Variants in NHSL2 observed in about 807,000 individuals in gnomAD.
NHSL2 encodes the protein NHS-like protein 2.
NHSL2 carries 27 observed loss-of-function variants against 53.4 expected under a neutral mutation model. The ratio of observed to expected loss-of-function variants is 0.51; its 90% confidence interval spans 0.37 to 0.70. The LOEUF (loss-of-function observed/expected upper bound fraction) is 0.70, where lower values mean the gene tolerates loss of function less well. Ranked by LOEUF, NHSL2 falls within the 30% of genes least tolerant of loss-of-function variation. The probability of loss-of-function intolerance (pLI) is 0.00; values close to 1 mark genes in which losing one functional copy is unlikely to be tolerated. For synonymous variants in NHSL2, 408 were observed against 404.1 expected (o/e 1.01, Z -0.12); for missense variants, 892 against 980.1 (o/e 0.91, Z 1.20).
intron 1 of NHSL2, among the ~76,000 whole-genome samples, chrX:71,959,623 C>A (rs2041858700): frequency 9.0e-6 from 1 of 111,130 alleles, no homozygotes; most frequent in African/African-American, 3.3e-5. Flanking sequence ...AATCCCTCAG[C>A]CTCTCTTACT....
At chrX:72,060,572 G>A (rs1602338808) in intron 1 of NHSL2, among the ~76,000 whole-genome samples, 1 of 112,723 alleles carries the variant, frequency 8.9e-6, no homozygotes, top group African/African-American at 3.2e-5. Flanking sequence ...GGGATGCTGC[G>A]TGTTGTGGAA....
intron 1 of NHSL2, among the ~76,000 whole-genome samples, chrX:72,106,136 G>C (rs1260523021): frequency 2.7e-5 from 3 of 110,978 alleles, no homozygotes; most frequent in African/African-American, 9.9e-5. Context: ...GTGAACCCCG[G>C]GGGGGCAGAG....
At chrX:71,995,013 C>T (rs1042354036) in intron 1 of NHSL2, among the ~76,000 whole-genome samples, 1 of 111,974 alleles carries the variant, frequency 8.9e-6, no homozygotes, top group South Asian at 3.7e-4. Context: ...GGCCTTGCCC[C>T]CCAAACCTGC....
At chrX:71,916,368 A>G (rs2041627946) in intron 1 of NHSL2, among the ~76,000 whole-genome samples, 1 of 112,557 alleles carries the variant, frequency 8.9e-6, no homozygotes, top group African/African-American at 3.2e-5. Flanking sequence ...AAGTAGCTTA[A>G]CAGGCTCACT....
chrX:72,085,993 G>C (rs899471694), intron 1 of NHSL2, among the ~76,000 whole-genome samples: 1 of 111,410 alleles, frequency 9.0e-6, no homozygotes, highest in Non-Finnish European at 1.9e-5. Flanking sequence ...TGAACAAAAA[G>C]AATTCTAGCA....
At chrX:72,048,785 G>A (rs1187948563) in intron 1 of NHSL2, among the ~76,000 whole-genome samples, 1 of 109,374 alleles carries the variant, frequency 9.1e-6, no homozygotes, top group African/African-American at 3.4e-5. Context: ...CCTGTCTGAA[G>A]CAGTCGAAAT....
intron 1 of NHSL2, among the ~76,000 whole-genome samples, chrX:71,943,059 T>C (rs2041776043): frequency 9.3e-6 from 1 of 108,030 alleles, no homozygotes; most frequent in African/African-American, 3.4e-5. Context: ...CCTCTTCCAT[T>C]TTCACACTGA....
intron 1 of NHSL2, among the ~76,000 whole-genome samples, chrX:72,093,721 GCTTT>G (rs545225009): frequency 0.14 from 12,993 of 94,977 alleles, 771 homozygotes; most frequent in Admixed American, 0.2. Flanking sequence ...TAGCTTGCTT[GCTTT>G]CTTTCTTTCT....
At chrX:72,068,699 A>C (rs182501270) in intron 1 of NHSL2, among the ~76,000 whole-genome samples, 20 of 95,557 alleles carry the variant, frequency 2.1e-4, no homozygotes, top group South Asian at 1.4e-3. Flanking sequence ...AGAGAGAGAG[A>C]GCGCATGTAT....
At chrX:72,099,864 C>T (rs1055683629) in intron 1 of NHSL2, among the ~76,000 whole-genome samples, 7 of 112,103 alleles carry the variant, frequency 6.2e-5, no homozygotes, top group African/African-American at 2.3e-4. Flanking sequence ...GTATGTTTTA[C>T]ACATCCAGCA....
chrX:72,006,759 G>T (rs2042096181), intron 1 of NHSL2, among the ~76,000 whole-genome samples: 2 of 112,548 alleles, frequency 1.8e-5, no homozygotes, highest in Non-Finnish European at 3.8e-5. Context: ...TGCCCAGGCT[G>T]GTCTTGAACT....
At chrX:72,049,908 G>A (rs1285018012) in intron 1 of NHSL2, among the ~76,000 whole-genome samples, 1 of 101,225 alleles carries the variant, frequency 9.9e-6, no homozygotes, top group Non-Finnish European at 2.0e-5. Flanking sequence ...CACTGTTCAA[G>A]GCTTTGGTGA....
chrX:71,992,221 C>T (rs1036933735), intron 1 of NHSL2, among the ~76,000 whole-genome samples: 2 of 112,531 alleles, frequency 1.8e-5, no homozygotes, highest in Non-Finnish European at 3.8e-5. Flanking sequence ...ACCTGTGGAG[C>T]CAAATGGCTG....
At chrX:71,927,220 G>A (rs188474531) in intron 1 of NHSL2, among the ~76,000 whole-genome samples, 1 of 112,300 alleles carries the variant, frequency 8.9e-6, no homozygotes, top group African/African-American at 3.2e-5. Context: ...GCTGACCATC[G>A]GGTTGGCAGC....
intron 1 of NHSL2, among the ~76,000 whole-genome samples, chrX:71,964,690 C>A (rs1416956470): frequency 1.8e-5 from 2 of 111,958 alleles, no homozygotes; most frequent in African/African-American, 6.5e-5. Flanking sequence ...TGTTTCTCTC[C>A]AGTGAACTAG....
chrX:71,958,122 C>T (rs1395618358), intron 1 of NHSL2, among the ~76,000 whole-genome samples: 3 of 110,697 alleles, frequency 2.7e-5, no homozygotes, highest in African/African-American at 6.6e-5. Context: ...GGCTGCATTC[C>T]AGGCCCCAGC....
In NHSL2 at chrX:72,151,183, A is replaced by ATT. The variant is rs373883242; in HGVS notation, c.*7622_*7623dup. ...GTGCGTGCCACCATGCCCAGCTAATATTTTTTTTTTTTTTGTATTTTTAGT... is the reference window on the plus strand; with the variant it reads ...GTGCGTGCCACCATGCCCAGCTAATATTTTTTTTTTTTTTTTGTATTTTTAGT... On this transcript the variant is annotated 3_prime_UTR_variant, in exon 8 of 8. Coordinates refer to ENST00000633930, the MANE Select transcript of NHSL2 (RefSeq NM_001013627.3). 10 of 99,963 alleles carry ATT rather than the reference A, an allele frequency of 1.0e-4. No homozygotes were observed. The highest frequency in any genetic ancestry group is 3.3e-4 in the African/African-American group (9 of 27,428). The allele number at this position is 99,963 out of a possible 1,213,427, so 8.2% of individuals were successfully genotyped here. A position where few individuals can be genotyped will look rare whatever the true frequency, so the allele number is the denominator to read the frequency against.
chrX:71,981,361 C>T (rs2041977704), intron 1 of NHSL2, among the ~76,000 whole-genome samples: 1 of 110,298 alleles, frequency 9.1e-6, no homozygotes, highest in Admixed American at 9.7e-5. Flanking sequence ...ACATGGCAAA[C>T]ATGGCGAAAC....
At chrX:71,975,197 C>T (rs1041563931) in intron 1 of NHSL2, among the ~76,000 whole-genome samples, 2 of 112,090 alleles carry the variant, frequency 1.8e-5, no homozygotes, top group African/African-American at 3.2e-5. Flanking sequence ...GGAGTGACTG[C>T]TGGAGACAAT....
Sources: allele counts gnomAD v4.1 joint callset (sites outside exome capture counted in the v4.1 genomes callset), GRCh38; gene constraint gnomAD v4.1.1; transcripts MANE v1.5; gene names NCBI Gene and HGNC (gene_info 2026-07-23, HGNC 2026-07-21).